PCDH11X: variants seen among roughly 807,000 people sequenced by gnomAD.
PCDH11X encodes protocadherin-11 X-linked.
Under a neutral mutation model 53.3 loss-of-function variants are expected in PCDH11X, and 18 were observed. That is an observed-to-expected ratio of 0.34 (90% CI 0.23 to 0.50). The LOEUF (loss-of-function observed/expected upper bound fraction) is 0.50. Ranked by LOEUF, PCDH11X falls within the 20% of genes least tolerant of loss-of-function variation. The pLI, the probability that PCDH11X is intolerant of heterozygous loss-of-function variation, is 0.98. For missense variants in PCDH11X, 570 were observed against 1,032.4 expected (o/e 0.55, Z 6.14); for synonymous variants, 279 against 393.3 (o/e 0.71, Z 3.44).
At chrX:92,502,292 G>T (rs1322653368) in intron 10 of PCDH11X, among the ~76,000 whole-genome samples, 2 of 109,523 alleles carry the variant, frequency 1.8e-5, no homozygotes, top group East Asian at 5.7e-4. Flanking sequence ...TGGCCATACT[G>T]TTCAAAGTAA....
At chrX:92,110,824 T>A (rs1222917877) in intron 6 of PCDH11X, among the ~76,000 whole-genome samples, 1 of 111,002 alleles carries the variant, frequency 9.0e-6, no homozygotes, top group Non-Finnish European at 1.9e-5. Flanking sequence ...CCAGCTTGAC[T>A]TTTCCCTTTG....
At chrX:92,005,258 T>C (rs2062579835) in intron 6 of PCDH11X, among the ~76,000 whole-genome samples, 2 of 111,456 alleles carry the variant, frequency 1.8e-5, no homozygotes, top group South Asian at 7.5e-4. Flanking sequence ...TTGTTTATGA[T>C]CTTCTCTTTC....
intron 9 of PCDH11X, among the ~76,000 whole-genome samples, chrX:92,418,881 TTAATG>T (rs1264378579): frequency 9.5e-6 from 1 of 105,514 alleles, no homozygotes; most frequent in Non-Finnish European, 1.9e-5. Context: ...TTTGTAGTAT[TTAATG>T]TAATGTTCCC....
intron 5 of PCDH11X, among the ~76,000 whole-genome samples, chrX:91,874,460 T>C (rs1939489289): frequency 1.8e-5 from 2 of 111,705 alleles, no homozygotes; most frequent in Admixed American, 9.6e-5. Flanking sequence ...CTCACGTTTA[T>C]TGTATGAATT....
intron 6 of PCDH11X, among the ~76,000 whole-genome samples, chrX:92,173,520 A>G (rs751905559): frequency 1.8e-5 from 2 of 110,382 alleles, no homozygotes; most frequent in South Asian, 3.9e-4. Context: ...GTCAGTATTG[A>G]TCAGGTCACA....
At chrX:92,418,440 G>T (rs2071871365) in intron 9 of PCDH11X, among the ~76,000 whole-genome samples, 2 of 110,839 alleles carry the variant, frequency 1.8e-5, no homozygotes, top group South Asian at 7.6e-4. Flanking sequence ...GATTTACTTT[G>T]CCAGGAGGAA....
chrX:92,311,315 G>C (rs947820688), intron 8 of PCDH11X, among the ~76,000 whole-genome samples: 1 of 109,623 alleles, frequency 9.1e-6, no homozygotes, highest in Non-Finnish European at 1.9e-5. Context: ...TTCTGCACTA[G>C]TTAATTGTCA....
intron 4 of PCDH11X, among the ~76,000 whole-genome samples, chrX:91,831,528 T>C (rs1443868060): frequency 1.8e-5 from 2 of 109,961 alleles, no homozygotes; most frequent in Non-Finnish European, 3.8e-5. Context: ...AGTGATTATT[T>C]ATATCCGTAT....
At chrX:92,379,806 A>T (rs1343026077) in intron 8 of PCDH11X, among the ~76,000 whole-genome samples, 30 of 109,970 alleles carry the variant, frequency 2.7e-4, no homozygotes, top group Admixed American at 2.3e-3. Flanking sequence ...TGCTGTTAGG[A>T]GCTACCCACT....
intron 6 of PCDH11X, among the ~76,000 whole-genome samples, chrX:92,010,759 A>G (rs919344806): frequency 5.5e-5 from 6 of 109,479 alleles, no homozygotes; most frequent in Non-Finnish European, 1.1e-4. Flanking sequence ...CAGGGGATAC[A>G]TGTGCAGGTC....
At chrX:92,196,172 A>G (rs1297008071) in intron 6 of PCDH11X, among the ~76,000 whole-genome samples, 1 of 111,957 alleles carries the variant, frequency 8.9e-6, no homozygotes, top group African/African-American at 3.2e-5. Flanking sequence ...TTCCAAGTCT[A>G]AACGTATTTT....
chrX:91,952,342 G>T (rs922773152), intron 6 of PCDH11X, among the ~76,000 whole-genome samples: 8 of 110,056 alleles, frequency 7.3e-5, no homozygotes, highest in African/African-American at 2.0e-4. Context: ...TTGAACAAAA[G>T]AAATTTTATG....
At chrX:92,174,997 C>G (rs558440536) in intron 6 of PCDH11X, among the ~76,000 whole-genome samples, 1 of 109,948 alleles carries the variant, frequency 9.1e-6, no homozygotes, top group South Asian at 3.9e-4. Flanking sequence ...TTTTTTGAGA[C>G]AGAGTTTCAC....
intron 7 of PCDH11X, among the ~76,000 whole-genome samples, chrX:92,259,631 A>G (rs1190352605): frequency 9.0e-6 from 1 of 111,574 alleles, no homozygotes; most frequent in Non-Finnish European, 1.9e-5. Flanking sequence ...ACAATTCATC[A>G]TGAGATTTTG....
intron 6 of PCDH11X, among the ~76,000 whole-genome samples, chrX:91,994,391 A>G (rs2147948101): frequency 9.1e-6 from 1 of 110,304 alleles, no homozygotes; most frequent in South Asian, 3.9e-4. Context: ...GCTAAGAGAA[A>G]CAATGTACTA....
chrX:91,891,539 G>T (rs1472764400), intron 6 of PCDH11X, among the ~76,000 whole-genome samples: 4 of 97,117 alleles, frequency 4.1e-5, no homozygotes, highest in Non-Finnish European at 8.0e-5. Context: ...CCAAAGCAAT[G>T]AAGTAGTCAT....
rs1364722612 is a variant in PCDH11X, at chrX:91,792,051, G to C, written c.-379+12367G>C. Among the ~76,000 whole-genome samples, 26 of 107,892 alleles carry C rather than the reference G, an allele frequency of 2.4e-4. No individual in the cohort carries two copies. In the East Asian group the frequency reaches 2.6e-3, roughly 11 times the overall value. 93.7% of individuals were successfully genotyped at this position (107,892 alleles called of 115,157 possible). On this transcript the variant is annotated intron_variant, in intron 1 of 10. Transcript: ENST00000682573. ...TAACTTTTTGTATTTTTAGTAGAGA[G>C]GGGGTTTCACCGTGTTCTCGATCTC...
intron 1 of PCDH11X, among the ~76,000 whole-genome samples, chrX:91,801,724 G>A (rs1935943230): frequency 8.9e-6 from 1 of 111,745 alleles, no homozygotes; most frequent in Admixed American, 9.6e-5. Flanking sequence ...TTGTGTAAAT[G>A]AATTCATCAT....
At position 92,103,489 on chromosome X, in the gene PCDH11X, G is replaced by A. The variant is rs540376864; in HGVS notation, c.3034-97886G>A. Among the ~76,000 whole-genome samples the A allele has an allele frequency of 3.4e-4, 38 of 111,480 alleles. No homozygotes were observed. The South Asian group carries it at 0.012, about 36-fold the overall frequency. Reference sequence around the variant, plus strand: ...TGATGGTCTACGGGGCTTCTGAGGCGATCGGGCAGCATCAGTCTTCAGCCG... The same window carrying A: ...TGATGGTCTACGGGGCTTCTGAGGCAATCGGGCAGCATCAGTCTTCAGCCG... On this transcript the variant is annotated intron_variant, in intron 6 of 10. Transcript: ENST00000682573.
Sources: allele counts gnomAD v4.1 joint callset (sites outside exome capture counted in the v4.1 genomes callset), GRCh38; gene constraint gnomAD v4.1.1; transcripts MANE v1.5; gene names NCBI Gene and HGNC (gene_info 2026-07-23, HGNC 2026-07-21).